The following TSPAN18 variants were observed in gnomAD, a reference collection of about 807,000 sequenced individuals.
TSPAN18 encodes tetraspanin 18.
In TSPAN18, 14 loss-of-function variants were observed where a neutral mutation model predicts 27.3. The ratio of observed to expected loss-of-function variants is 0.51; its 90% CI spans 0.34 to 0.80. TSPAN18 has a LOEUF of 0.80. Among genes scored for constraint, TSPAN18 ranks in the 30% least tolerant of loss-of-function variants. TSPAN18 has a pLI of 0.01. For missense variants in TSPAN18, 268 were observed against 323.9 expected (o/e 0.83, Z 1.32); for synonymous variants, 143 against 136.5 (o/e 1.05, Z -0.33).
rs1249222685 is a variant in TSPAN18, at chr11:44,926,661, C to G, written c.616-13C>G. The G allele has an allele frequency of 6.2e-7, 1 of 1,613,442 alleles. No individual in the cohort carries two copies. The highest frequency in any genetic ancestry group is 8.5e-7 in the Non-Finnish European group (1 of 1,179,472). Reference sequence around the variant, plus strand: ...CCCTGGCCATAGCTTGACCTCTCATCCCTCCCTCCCAGGGCTGTTACACGG... The same window carrying G: ...CCCTGGCCATAGCTTGACCTCTCATGCCTCCCTCCCAGGGCTGTTACACGG... On this transcript the variant is annotated splice_polypyrimidine_tract_variant and intron_variant, in intron 8 of 9. Transcript: ENST00000520358.
At chr11:44,856,733 A>C (rs1256243632) in intron 2 of TSPAN18, among the ~76,000 whole-genome samples, 1 of 152,202 alleles carries the variant, frequency 6.6e-6, no homozygotes, top group Non-Finnish European at 1.5e-5. Context: ...GTCTCCAGGA[A>C]ACAGAACTCC....
chr11:44,874,815 C>CG (rs1858286717), intron 3 of TSPAN18, among the ~76,000 whole-genome samples: 1 of 152,166 alleles, frequency 6.6e-6, no homozygotes, highest in Non-Finnish European at 1.5e-5. Context: ...TGAGGATCTT[C>CG]CAGCCCTCAA....
chr11:44,840,660 C>T (rs903782898), intron 2 of TSPAN18, among the ~76,000 whole-genome samples: 6 of 152,298 alleles, frequency 3.9e-5, no homozygotes, highest in East Asian at 3.9e-4. Flanking sequence ...AACGCAGCGG[C>T]ATGCTGCTTG....
In TSPAN18 at chr11:44,832,638, C is replaced by T. The variant is rs138926689; in HGVS notation, c.-152-27690C>T. 2.9e-3 allele frequency among the ~76,000 whole-genome samples: 439 copies of T among 152,350 alleles called. 1 individual carries two copies. The highest frequency in any genetic ancestry group is 9.3e-3 in the East Asian group (48 of 5,162). ...GAGGGATCTATTTCTCTGCGGCACC[C>T]TCATTGTCCCGGGGACCCTGGGGAA... On this transcript the variant is annotated intron_variant, in intron 2 of 9. Transcript: ENST00000520358.
chr11:44,841,793 A>G (rs1419770068), intron 2 of TSPAN18, among the ~76,000 whole-genome samples: 1 of 152,156 alleles, frequency 6.6e-6, no homozygotes, highest in Non-Finnish European at 1.5e-5. Flanking sequence ...CCAGTGAGAG[A>G]TGGGGCAGTG....
rs1590671474 is a variant in TSPAN18, at chr11:44,908,831, A to AAAGAG, written c.64-873_64-872insAGAGA. 8.4e-4 allele frequency among the ~76,000 whole-genome samples: 81 copies of AAAGAG among 96,236 alleles called. 13 individuals carry two copies. Among genetic ancestry groups the AAAGAG allele is most frequent in the African/African-American group, 3.3e-3 (78 of 23,804 alleles). 63.1% of individuals were successfully genotyped at this position (96,236 alleles called of 152,430 possible). On this transcript the variant is annotated intron_variant, in intron 4 of 9. Transcript: ENST00000520358. Reference sequence around the variant, plus strand: ...AGAAAGAAAGAAAGAAAGAAAGAAAAAGAAAAATGGAGCAGATATTTATTG... The same window carrying AAAGAG: ...AGAAAGAAAGAAAGAAAGAAAGAAAAAAGAGAGAAAAATGGAGCAGATATTTATTG...
intron 2 of TSPAN18, among the ~76,000 whole-genome samples, chr11:44,805,109 G>A (rs904591887): frequency 6.6e-6 from 1 of 152,228 alleles, no homozygotes; most frequent in Non-Finnish European, 1.5e-5. Flanking sequence ...ATGGGCGGGA[G>A]CAGCCGGCAC....
chr11:44,835,773 T>G (rs1857252633), intron 2 of TSPAN18, among the ~76,000 whole-genome samples: 1 of 152,218 alleles, frequency 6.6e-6, no homozygotes, highest in South Asian at 2.1e-4. Flanking sequence ...TCAGCACCAT[T>G]TTTCCAACAG....
At chr11:44,737,396 T>C (rs1032934914) in intron 1 of TSPAN18, among the ~76,000 whole-genome samples, 5 of 152,144 alleles carry the variant, frequency 3.3e-5, no homozygotes, top group African/African-American at 1.2e-4. Context: ...GTTTCTCCCA[T>C]GACGCAGCCA....
chr11:44,795,925 C>G (rs1856339488), intron 2 of TSPAN18, among the ~76,000 whole-genome samples: 1 of 152,104 alleles, frequency 6.6e-6, no homozygotes, highest in Non-Finnish European at 1.5e-5. Flanking sequence ...GAGCTGTAGC[C>G]TGCAGACACA....
rs190253619 is a variant in TSPAN18 at position 44,728,556 on chromosome 11, A to G, written c.-240+1269A>G. Among the ~76,000 whole-genome samples the G allele has an allele frequency of 2.5e-3, 382 of 152,180 alleles. 1 individual carries two copies. Among genetic ancestry groups the G allele is most frequent in the African/African-American group, 8.7e-3 (362 of 41,520 alleles). Reference sequence around the variant, plus strand: ...GGCGGTGGGGGATGGGGCCTTAAAGACTTCAGCAGTCCAGGCAGAAGTGTT... The same window carrying G: ...GGCGGTGGGGGATGGGGCCTTAAAGGCTTCAGCAGTCCAGGCAGAAGTGTT... On this transcript the variant is annotated intron_variant, in intron 1 of 9. Transcript: ENST00000520358.
At chr11:44,810,911 T>G (rs1856699736) in intron 2 of TSPAN18, among the ~76,000 whole-genome samples, 1 of 152,122 alleles carries the variant, frequency 6.6e-6, no homozygotes, top group African/African-American at 2.4e-5. Context: ...GCCCAACCTG[T>G]TTTCAATTCT....
intron 2 of TSPAN18, among the ~76,000 whole-genome samples, chr11:44,846,726 C>T (rs1294513608): frequency 1.3e-5 from 2 of 152,102 alleles, no homozygotes; most frequent in Admixed American, 6.5e-5. Context: ...GTTTCCTGCC[C>T]AGGGGAAATA....
chr11:44,801,333 T>A (rs2135069534), intron 2 of TSPAN18, among the ~76,000 whole-genome samples: 1 of 152,320 alleles, frequency 6.6e-6, no homozygotes, highest in African/African-American at 2.4e-5. Context: ...CTGCTTTGCT[T>A]CCTCCATAGA....
At chr11:44,835,097 G>T (rs574764940) in intron 2 of TSPAN18, among the ~76,000 whole-genome samples, 1 of 152,342 alleles carries the variant, frequency 6.6e-6, no homozygotes, top group Non-Finnish European at 1.5e-5. Flanking sequence ...CTGCACACGG[G>T]AGCAGGGGGC....
chr11:44,824,991 C>T (rs1857005358), intron 2 of TSPAN18, among the ~76,000 whole-genome samples: 1 of 152,184 alleles, frequency 6.6e-6, no homozygotes, highest in Admixed American at 6.5e-5. Context: ...CTAAACCCAT[C>T]CTCCCAGTTC....
intron 5 of TSPAN18, among the ~76,000 whole-genome samples, chr11:44,911,423 C>G (rs192912303): frequency 6.6e-6 from 1 of 152,192 alleles, no homozygotes; most frequent in Non-Finnish European, 1.5e-5. Context: ...AAATGAGTGA[C>G]AAGGAGCCTT....
At chr11:44,758,858 A>G (rs758064512) in intron 1 of TSPAN18, among the ~76,000 whole-genome samples, 1 of 152,180 alleles carries the variant, frequency 6.6e-6, no homozygotes, top group African/African-American at 2.4e-5. Flanking sequence ...TCTTAACCAC[A>G]GTGCTTTACA....
chr11:44,866,377 G>C (rs1858036074), intron 3 of TSPAN18, among the ~76,000 whole-genome samples: 1 of 152,210 alleles, frequency 6.6e-6, no homozygotes, highest in Admixed American at 6.5e-5. Flanking sequence ...TAGGAGTCTT[G>C]GTGGCCTTAT....
Sources: gnomAD v4.1 joint callset for allele counts (sites outside exome capture counted in the v4.1 genomes callset) on GRCh38, gnomAD v4.1.1 for gene constraint, MANE v1.5 for transcripts, NCBI Gene and HGNC (gene_info 2026-07-23, HGNC 2026-07-21) for gene names.